ZNF679: variants seen among roughly 807,000 people sequenced by gnomAD.
ZNF679 encodes hypothetical protein MGC42415.
ZNF679 carries 10 observed loss-of-function variants against 13.4 expected under a neutral mutation model. The observed-to-expected ratio is 0.75, with a 90% CI of 0.46 to 1.27. The LOEUF is 1.27. Among genes scored for constraint, ZNF679 ranks in the 50% most tolerant of loss-of-function variants. The pLI, the probability that ZNF679 is intolerant of heterozygous loss-of-function variation, is 0.00. For missense variants in ZNF679, 525 were observed against 477.8 expected (o/e 1.10, Z -0.92); for synonymous variants, 179 against 162.5 (o/e 1.10, Z -0.77).
rs1788107469 is a variant in ZNF679, at chr7:64,263,700, T to A, written c.263-2196T>A. On this transcript the variant is annotated intron_variant, in intron 4 of 4. Transcript: ENST00000421025. ...CTCACACTCGCATCATCTTTCACCATGTGACATGTTTGGTTCTTTTTTGCC... is the reference window on the plus strand; with the variant it reads ...CTCACACTCGCATCATCTTTCACCAAGTGACATGTTTGGTTCTTTTTTGCC... Among the ~76,000 whole-genome samples the A allele has an allele frequency of 2.0e-5, 3 of 152,164 alleles. No individual in the cohort carries two copies. In the South Asian group the frequency reaches 6.2e-4, roughly 31 times the overall value.
At chr7:64,244,099 A>G (rs1787835581) in intron 1 of ZNF679, among the ~76,000 whole-genome samples, 1 of 151,940 alleles carries the variant, frequency 6.6e-6, no homozygotes, top group Non-Finnish European at 1.5e-5. Context: ...AAAATGCAAA[A>G]ATTAGCCAGG....
intron 1 of ZNF679, among the ~76,000 whole-genome samples, chr7:64,233,189 G>T (rs995720740): frequency 6.7e-6 from 1 of 149,776 alleles, no homozygotes; most frequent in South Asian, 2.1e-4. Flanking sequence ...GGTGAGCCAA[G>T]ATCGCCCCAC....
chr7:64,239,150 G>T (rs376961710), intron 1 of ZNF679, among the ~76,000 whole-genome samples: 5 of 152,138 alleles, frequency 3.3e-5, no homozygotes. Context: ...CATGATTGAG[G>T]TTCTGAATCT....
intron 1 of ZNF679, among the ~76,000 whole-genome samples, chr7:64,246,087 C>T (rs2082663): frequency 0.032 from 4,934 of 152,282 alleles, 174 homozygotes; most frequent in East Asian, 0.17. Context: ...AGGGACTTTA[C>T]GGAGAGGGGC....
intron 1 of ZNF679, among the ~76,000 whole-genome samples, chr7:64,236,851 A>G (rs1343202217): frequency 6.7e-6 from 1 of 149,052 alleles, no homozygotes; most frequent in Non-Finnish European, 1.5e-5. Flanking sequence ...AGAAAGAAAC[A>G]AAAGAAAGAA....
At chr7:64,255,588 G>T in intron 2 of ZNF679, among the ~76,000 whole-genome samples, 1 of 148,588 alleles carries the variant, frequency 6.7e-6, no homozygotes, top group East Asian at 2.0e-4. Context: ...CACTTACCTT[G>T]CACTCTTTCC....
At chr7:64,254,745 G>A (rs1787981675) in intron 2 of ZNF679, among the ~76,000 whole-genome samples, 1 of 152,050 alleles carries the variant, frequency 6.6e-6, no homozygotes, top group South Asian at 2.1e-4. Flanking sequence ...GCTGACTCCA[G>A]GTGGTATCAG....
chr7:64,241,554 T>C (rs1389003497), intron 1 of ZNF679, among the ~76,000 whole-genome samples: 15 of 152,242 alleles, frequency 9.9e-5, no homozygotes, highest in Admixed American at 9.8e-4. Flanking sequence ...TATGTCACAA[T>C]GCCTCTTGCG....
chr7:64,245,910 G>A (rs567775008), intron 1 of ZNF679, among the ~76,000 whole-genome samples: 1 of 152,308 alleles, frequency 6.6e-6, no homozygotes, highest in African/African-American at 2.4e-5. Flanking sequence ...GGAGGCTGAG[G>A]CAGGAGAATC....
At chr7:64,231,641 T>C (rs527814533) in intron 1 of ZNF679, among the ~76,000 whole-genome samples, 7 of 152,104 alleles carry the variant, frequency 4.6e-5, no homozygotes, top group Non-Finnish European at 8.8e-5. Context: ...AACCCAGAGA[T>C]CTGTCACAAT....
At chr7:64,231,587 G>A (rs1281641687) in intron 1 of ZNF679, among the ~76,000 whole-genome samples, 2 of 152,200 alleles carry the variant, frequency 1.3e-5, no homozygotes, top group African/African-American at 4.8e-5. Flanking sequence ...CTTCAGTGGG[G>A]CTTGGCCCAG....
rs1324838989 is a variant in ZNF679 at position 64,266,386 on chromosome 7, G to A, written c.753G>A (p.Trp251Ter). ...AGGAATGTGGCAAAGCTTTTACCTGGTCCTCAACCCTTACTAAACATAGGA... is the reference window on the plus strand; with the variant it reads ...AGGAATGTGGCAAAGCTTTTACCTGATCCTCAACCCTTACTAAACATAGGA... Reference protein sequence around the residue: ...RCEECGKAFTWSSTLTKHRRI... With the variant: ...RCEECGKAFT The change falls in exon 5 of 5, where the codon TGG (tryptophan) becomes TGA (stop). Residue 251 changes from tryptophan to a stop codon, truncating the protein, a stop_gained. Coordinates refer to ENST00000421025, the MANE Select transcript of ZNF679 (RefSeq NM_153363.3). LOFTEE classifies it low-confidence loss of function (END_TRUNC). The A allele has an allele frequency of 6.2e-7, 1 of 1,610,530 alleles. No homozygotes were observed. Among genetic ancestry groups the A allele is most frequent in the Non-Finnish European group, 8.5e-7 (1 of 1,178,746 alleles).
At chr7:64,261,849 ATTCT>A (rs1309959087) in intron 4 of ZNF679, among the ~76,000 whole-genome samples, 2 of 142,332 alleles carry the variant, frequency 1.4e-5, no homozygotes, top group African/African-American at 2.6e-5. Context: ...CATTTGTCCA[ATTCT>A]TTCTTTCTTT....
chr7:64,235,335 C>T (rs1210593947), intron 1 of ZNF679, among the ~76,000 whole-genome samples: 2 of 122,648 alleles, frequency 1.6e-5, no homozygotes, highest in African/African-American at 6.0e-5. Flanking sequence ...TTCTGAGATA[C>T]AAAAAAAAAA....
At chr7:64,254,478 AT>A (rs35539896) in intron 2 of ZNF679, among the ~76,000 whole-genome samples, 112 of 148,260 alleles carry the variant, frequency 7.6e-4, no homozygotes, top group Non-Finnish European at 9.7e-4. Flanking sequence ...CTTCCCCAAC[AT>A]TTTTTTTTTG....
intron 4 of ZNF679, among the ~76,000 whole-genome samples, chr7:64,262,226 A>G (rs1043390499): frequency 6.6e-6 from 1 of 152,194 alleles, no homozygotes; most frequent in African/African-American, 2.4e-5. Flanking sequence ...ATAAATTCTC[A>G]ATATTAAGTT....
At chr7:64,255,404 G>A (rs1474685449) in intron 2 of ZNF679, among the ~76,000 whole-genome samples, 1 of 152,156 alleles carries the variant, frequency 6.6e-6, no homozygotes, top group South Asian at 2.1e-4. Flanking sequence ...GTGCCTACAC[G>A]TTTCCTGGCA....
rs746397099 is a variant in ZNF679 at position 64,249,191 on chromosome 7, G to A, written c.39+35G>A. On this transcript the variant is annotated intron_variant, in intron 2 of 4. Coordinates refer to ENST00000421025, the MANE Select transcript of ZNF679 (RefSeq NM_153363.3). ...GGGTCTGTCACCGTGAGAGAGGGGT[G>A]AGGGCTGGTTGGAACCGGCTGAAAG... is the stretch of plus-strand genomic sequence containing the variant. 14 of 1,614,102 alleles carry A rather than the reference G, an allele frequency of 8.7e-6. No homozygotes were observed. The South Asian group carries it at 1.5e-4, about 18-fold the overall frequency.
rs1229443128 is a variant in ZNF679, at chr7:64,235,748, C to T, written c.-91+7096C>T. 8.6e-5 allele frequency among the ~76,000 whole-genome samples: 13 copies of T among 151,416 alleles called. 1 individual carries two copies. The highest frequency in any genetic ancestry group is 8.6e-4 in the Admixed American group (13 of 15,186). On this transcript the variant is annotated intron_variant, in intron 1 of 4. Transcript: ENST00000421025. ...AGGTTGCCATGAGCCGAGATCATGC[C>T]ACTGCACTCCAGCCTGGGCGACAAG...
Sources: allele counts gnomAD v4.1 joint callset (sites outside exome capture counted in the v4.1 genomes callset), GRCh38; gene constraint gnomAD v4.1.1; transcripts MANE v1.5; gene names NCBI Gene and HGNC (gene_info 2026-07-23, HGNC 2026-07-21).